CTNNA3: variants seen among roughly 807,000 people sequenced by gnomAD.
CTNNA3 encodes catenin alpha 3, also known as catenin alpha-3.
CTNNA3 carries 76 observed loss-of-function variants against 95.7 expected under a neutral mutation model. The ratio of observed to expected loss-of-function variants is 0.79; its 90% confidence interval spans 0.66 to 0.96. The LOEUF is 0.96. CTNNA3 is among the 40% of genes least tolerant of loss of function. The probability of loss-of-function intolerance (pLI) is 0.00; values close to 1 mark genes in which losing one functional copy is unlikely to be tolerated. For missense variants in CTNNA3, 1,191 were observed against 1,089.8 expected (o/e 1.09, Z -1.31); for synonymous variants, 431 against 374.4 (o/e 1.15, Z -1.74).
intron 5 of CTNNA3, among the ~76,000 whole-genome samples, chr10:67,270,131 A>T (rs1838907748): frequency 2.2e-5 from 2 of 91,244 alleles, no homozygotes; most frequent in South Asian, 8.0e-4. Flanking sequence ...AGTATTTGTC[A>T]AAAAAAAAAA....
At chr10:66,143,400 T>C (rs936534850) in intron 13 of CTNNA3, among the ~76,000 whole-genome samples, 26 of 152,112 alleles carry the variant, frequency 1.7e-4, no homozygotes, top group African/African-American at 6.3e-4. Context: ...AAAATTGAAA[T>C]AGGTCCCAGG....
chr10:66,342,931 A>T (rs557314715), intron 12 of CTNNA3, among the ~76,000 whole-genome samples: 2 of 152,248 alleles, frequency 1.3e-5, no homozygotes, highest in Admixed American at 1.3e-4. Context: ...GGCAGTAAGA[A>T]TCTTTTCATT....
intron 5 of CTNNA3, among the ~76,000 whole-genome samples, chr10:67,323,541 T>G (rs943080781): frequency 1.3e-5 from 2 of 152,170 alleles, no homozygotes; most frequent in Non-Finnish European, 2.9e-5. Context: ...GTGGCCTTAT[T>G]TCTGGGTTCT....
intron 11 of CTNNA3, among the ~76,000 whole-genome samples, chr10:66,462,915 A>G (rs1412791805): frequency 1.3e-4 from 20 of 152,098 alleles, no homozygotes; most frequent in Admixed American, 1.3e-3. Flanking sequence ...TATTTTCTGA[A>G]GTGTTTTTAA....
intron 3 of CTNNA3, among the ~76,000 whole-genome samples, chr10:67,548,051 A>AGGTGGGACCC (rs1840900404): frequency 6.6e-6 from 1 of 152,132 alleles, no homozygotes; most frequent in African/African-American, 2.4e-5. Flanking sequence ...CCAGTGTTGG[A>AGGTGGGACCC]GGTGGGACCC....
intron 5 of CTNNA3, among the ~76,000 whole-genome samples, chr10:67,484,675 A>G (rs1414474659): frequency 3.3e-5 from 5 of 152,188 alleles, no homozygotes; most frequent in Non-Finnish European, 7.4e-5. Context: ...AAGAAGACAT[A>G]CAGGTGGCCA....
chr10:67,046,901 C>T (rs939245327), intron 7 of CTNNA3, among the ~76,000 whole-genome samples: 2 of 152,070 alleles, frequency 1.3e-5, no homozygotes, highest in Non-Finnish European at 2.9e-5. Flanking sequence ...CTTCCTTTTA[C>T]ATTGATGACT....
chr10:66,420,833 A>AT (rs1296220540), intron 11 of CTNNA3, among the ~76,000 whole-genome samples: 2,151 of 77,340 alleles, frequency 0.028, 52 homozygotes, highest in African/African-American at 0.096. Flanking sequence ...AAATAAATAA[A>AT]TAAATAAAAA....
chr10:67,131,967 T>C (rs1254534164), intron 7 of CTNNA3, among the ~76,000 whole-genome samples: 2 of 152,032 alleles, frequency 1.3e-5, no homozygotes, highest in African/African-American at 4.8e-5. Context: ...ACAGAAAGAA[T>C]GGAAACTGTG....
chr10:66,948,749 C>T (rs1046042453), intron 7 of CTNNA3, among the ~76,000 whole-genome samples: 9 of 152,122 alleles, frequency 5.9e-5, no homozygotes, highest in Non-Finnish European at 1.0e-4. Flanking sequence ...CTGTTATTTG[C>T]TCCCTTCATT....
rs539638553 is a variant in CTNNA3 at position 66,189,600 on chromosome 10, T to TTATATATATATATATATA, written c.1885-86369_1885-86352dup. Among the ~76,000 whole-genome samples, 137 of 89,282 alleles carry TTATATATATATATATATA rather than the reference T, an allele frequency of 1.5e-3. 4 individuals are homozygous for TTATATATATATATATATA. Among genetic ancestry groups the TTATATATATATATATATA allele is most frequent in the African/African-American group, 4.3e-3 (92 of 21,484 alleles). 58.6% of individuals were successfully genotyped at this position (89,282 alleles called of 152,430 possible). A position where few individuals can be genotyped will look rare whatever the true frequency, so the allele number is the denominator to read the frequency against. The stretch of plus-strand genomic sequence containing the variant: ...CCATACTGTTTTAGTTACTATAGAT[T>TTATATATATATATATATA]TATATATATATATATATACACACAT... On this transcript the variant is annotated intron_variant, in intron 13 of 17. Transcript: ENST00000433211.
chr10:66,158,251 G>A (rs2084650703), intron 13 of CTNNA3, among the ~76,000 whole-genome samples: 1 of 152,096 alleles, frequency 6.6e-6, no homozygotes, highest in Non-Finnish European at 1.5e-5. Context: ...CCAATGTCTA[G>A]AAGGGTTTTT....
intron 7 of CTNNA3, among the ~76,000 whole-genome samples, chr10:67,089,836 C>T (rs1226603808): frequency 6.6e-6 from 1 of 151,698 alleles, no homozygotes; most frequent in African/African-American, 2.4e-5. Flanking sequence ...TTGTCCATCC[C>T]TTTCACAAGC....
chr10:67,476,141 C>T (rs1169735440), intron 5 of CTNNA3, among the ~76,000 whole-genome samples: 1 of 152,100 alleles, frequency 6.6e-6, no homozygotes, highest in Non-Finnish European at 1.5e-5. Context: ...GGCAACTTGG[C>T]CTATAAAATT....
chr10:67,312,404 T>G (rs1230325612), intron 5 of CTNNA3, among the ~76,000 whole-genome samples: 1 of 152,174 alleles, frequency 6.6e-6, no homozygotes, highest in African/African-American at 2.4e-5. Flanking sequence ...TGGCTTTAAG[T>G]GTATCTTGGC....
In CTNNA3 at chr10:67,180,327, T is replaced by C; in HGVS notation, c.1037A>G (p.Tyr346Cys). The change falls in exon 7 of 18, where the codon TAC (tyrosine) becomes TGC (cysteine). Residue 346 changes from tyrosine to cysteine, a missense_variant. Tyr to Cys is a radical substitution (Grantham distance 194). Transcript: ENST00000433211. ...AAACCAGTCACCTACGTTGTTCATG[T>C]ACTCTGAAAGCAGATCCTGAAGAGC... ...RQALQDLLSE[Y>C]MNNAGKKERS... 6.2e-7 allele frequency: 1 copy of C among 1,613,410 alleles called. No homozygotes were observed. The highest frequency in any genetic ancestry group is 8.5e-7 in the Non-Finnish European group (1 of 1,179,822).
rs190622036 is a variant in CTNNA3, at chr10:66,488,334, G to A, written c.1531+32283C>T. ...TAGATGAGTTAGAGATAAAGCCTAG[G>A]CAAGGCTATCTTTGCGATAGTCTAA... On this transcript the variant is annotated intron_variant, in intron 11 of 17. Transcript: ENST00000433211. 1.1e-3 allele frequency among the ~76,000 whole-genome samples: 171 copies of A among 152,224 alleles called. 1 individual carries two copies. The highest frequency in any genetic ancestry group is 3.9e-3 in the African/African-American group (162 of 41,556).
At chr10:66,341,881 T>C (rs1022846924) in intron 12 of CTNNA3, among the ~76,000 whole-genome samples, 5 of 151,800 alleles carry the variant, frequency 3.3e-5, no homozygotes, top group Non-Finnish European at 5.9e-5. Context: ...GGAAATGGGA[T>C]AGAAAGTCTT....
intron 10 of CTNNA3, among the ~76,000 whole-genome samples, chr10:66,620,228 T>G (rs1490192126): frequency 2.0e-5 from 3 of 152,110 alleles, no homozygotes; most frequent in Non-Finnish European, 4.4e-5. Context: ...AATTAAAAGA[T>G]AAATCATATG....
Sources: allele counts gnomAD v4.1 joint callset (sites outside exome capture counted in the v4.1 genomes callset), GRCh38; gene constraint gnomAD v4.1.1; transcripts MANE v1.5; gene names NCBI Gene and HGNC (gene_info 2026-07-23, HGNC 2026-07-21).